Variants in TRAPPC10 observed in about 807,000 individuals in gnomAD.
The protein encoded by TRAPPC10 is TRAPP 130 kDa subunit.
TRAPPC10 carries 23 observed loss-of-function variants against 125.5 expected under a neutral mutation model. The ratio of observed to expected loss-of-function variants is 0.18; its 90% confidence interval spans 0.13 to 0.26. TRAPPC10 has a LOEUF of 0.26. Among genes scored for constraint, TRAPPC10 ranks in the 10% least tolerant of loss-of-function variants. The pLI, the probability that TRAPPC10 is intolerant of heterozygous loss-of-function variation, is 1.00. For missense variants in TRAPPC10, 1,123 were observed against 1,308.4 expected (o/e 0.86, Z 2.19); for synonymous variants, 509 against 518.0 (o/e 0.98, Z 0.24).
intron 3 of TRAPPC10, among the ~76,000 whole-genome samples, chr21:44,043,968 C>T (rs979987274): frequency 2.6e-5 from 4 of 152,186 alleles, no homozygotes; most frequent in Non-Finnish European, 4.4e-5. Flanking sequence ...GACCTTGGTT[C>T]CCACCAAATC....
At chr21:44,027,946 A>G (rs2147229166) in intron 1 of TRAPPC10, among the ~76,000 whole-genome samples, 1 of 152,340 alleles carries the variant, frequency 6.6e-6, no homozygotes, top group East Asian at 1.9e-4. Flanking sequence ...TACACCCTCC[A>G]GAAATGATAA....
At position 44,093,164 on chromosome 21, in the gene TRAPPC10, A is replaced by G. The variant is rs142791499; in HGVS notation, c.2998-899A>G. Among the ~76,000 whole-genome samples the G allele has an allele frequency of 2.0e-5, 3 of 152,318 alleles. No individual in the cohort carries two copies. The East Asian group carries it at 5.8e-4, about 29-fold the overall frequency. On this transcript the variant is annotated intron_variant, in intron 19 of 22. Coordinates refer to ENST00000291574, the MANE Select transcript of TRAPPC10 (RefSeq NM_003274.5). ...TGGAGCTGCATGGGATATGCTATAT[A>G]TTAATTAATATCCTTTGGGCATGGT...
intron 1 of TRAPPC10, among the ~76,000 whole-genome samples, chr21:44,026,227 C>A (rs538108937): frequency 6.6e-6 from 1 of 152,000 alleles, no homozygotes; most frequent in South Asian, 2.1e-4. Context: ...CCCCCGACTG[C>A]GAAGGCTTTT....
chr21:44,049,876 TTC>T (rs1555937474), intron 3 of TRAPPC10, among the ~76,000 whole-genome samples: 1 of 117,630 alleles, frequency 8.5e-6, no homozygotes, highest in African/African-American at 5.3e-5. Flanking sequence ...TTTTCTTTCT[TTC>T]TTTTTTTTTT....
chr21:44,084,854 C>T (rs1209121178), intron 15 of TRAPPC10, among the ~76,000 whole-genome samples: 2 of 152,190 alleles, frequency 1.3e-5, no homozygotes, highest in Non-Finnish European at 2.9e-5. Flanking sequence ...TCACAGAACT[C>T]AGGGAAACAG....
chr21:44,089,811 T>C (rs1315427353), intron 17 of TRAPPC10, 22 bp from the exon 18 acceptor site: 9 of 1,599,806 alleles, frequency 5.6e-6, no homozygotes, highest in Non-Finnish European at 7.7e-6. Flanking sequence ...GGTCTGAGAG[T>C]GTCTTTGTGC....
At chr21:44,070,903 C>G (rs1188265959) in intron 7 of TRAPPC10, among the ~76,000 whole-genome samples, 6 of 152,184 alleles carry the variant, frequency 3.9e-5, no homozygotes, top group Admixed American at 6.5e-5. Flanking sequence ...TCTTCGGACC[C>G]TGAGAAGTCA....
intron 18 of TRAPPC10, chr21:44,091,701 G>T (rs2038591231): frequency 2.5e-6 from 1 of 394,560 alleles, no homozygotes; most frequent in Non-Finnish European, 4.7e-6. Flanking sequence ...GCCTCCCAAA[G>T]TGCTGGGATT....
At chr21:44,044,939 T>TA (rs2034676424) in intron 3 of TRAPPC10, among the ~76,000 whole-genome samples, 1 of 152,120 alleles carries the variant, frequency 6.6e-6, no homozygotes, top group Non-Finnish European at 1.5e-5. Context: ...GTGCTGGGAT[T>TA]ACAGGTGTGA....
In TRAPPC10 at chr21:44,074,720, C is replaced by T. The variant is rs148845575; in HGVS notation, c.1185+250C>T. ...TGACTCTGTACCCTGAGTCGGGGGA[C>T]ACGAGGGTGGTGCTGAAATGTCAGC... is the stretch of plus-strand genomic sequence containing the variant. On this transcript the variant is annotated intron_variant, in intron 8 of 22. Transcript: ENST00000291574. Among the ~76,000 whole-genome samples the T allele has an allele frequency of 3.3e-3, 506 of 152,292 alleles. 2 individuals are homozygous for T. Among genetic ancestry groups the T allele is most frequent in the African/African-American group, 0.011 (472 of 41,552 alleles).
chr21:44,022,496 T>C (rs1235694361), intron 1 of TRAPPC10, among the ~76,000 whole-genome samples: 2 of 145,934 alleles, frequency 1.4e-5, no homozygotes, highest in Non-Finnish European at 3.0e-5. Context: ...GGTTTGTTAG[T>C]AGAGATGGGG....
Position 44,087,657 on chromosome 21 carries a change from C to T in TRAPPC10, c.2540-42C>T, listed in dbSNP as rs1341511088. 2.5e-6 allele frequency: 4 copies of T among 1,570,146 alleles called. No homozygotes were observed. The highest frequency in any genetic ancestry group is 3.5e-6 in the Non-Finnish European group (4 of 1,148,050). ...GCTGTAAGGAAAAGGACAAGTGAAA[C>T]CGAGGGAACAGCTTTGAAGTGACTT... is the stretch of plus-strand genomic sequence containing the variant. On this transcript the variant is annotated intron_variant, in intron 16 of 22. Transcript: ENST00000291574. This position sits in a 1 kb window ranked among gnomAD's most constrained non-coding sequence, Gnocchi z 4.6.
intron 1 of TRAPPC10, among the ~76,000 whole-genome samples, chr21:44,014,151 A>C (rs1237783097): frequency 6.6e-6 from 1 of 152,210 alleles, no homozygotes; most frequent in Non-Finnish European, 1.5e-5. Context: ...ATGTATTTAT[A>C]GGCATTATGT....
intron 6 of TRAPPC10, chr21:44,062,425 G>A: frequency 2.4e-6 from 1 of 418,294 alleles, no homozygotes; most frequent in Non-Finnish European, 3.2e-6. Flanking sequence ...TCAGGTGAGA[G>A]ATGGGGCAGT....
At chr21:44,089,246 T>C (rs1182268606) in intron 17 of TRAPPC10, 1 of 327,314 alleles carries the variant, frequency 3.1e-6, no homozygotes, top group Non-Finnish European at 6.1e-6. Flanking sequence ...ACGCACGCTG[T>C]GTGCTGGGGT....
chr21:44,071,676 A>G (rs2036878470), intron 7 of TRAPPC10, among the ~76,000 whole-genome samples: 1 of 152,200 alleles, frequency 6.6e-6, no homozygotes, highest in South Asian at 2.1e-4. Context: ...CCAAATTCAC[A>G]TGCATGTCTT....
rs929699332 is a variant in TRAPPC10 at position 44,086,829 on chromosome 21, G to T, written c.2408G>T (p.Arg803Ile). ...ADSLLAGIPQ[R>I]VKFTVTTGHY... ...AGCCTTCTGGCAGGCATTCCTCAGA[G>T]AGTCAAGTTCACTGTCACTACCGGC... The change falls in exon 16 of 23, where the codon AGA (arginine) becomes ATA (isoleucine). Residue 803 changes from arginine (R) to isoleucine (I), a missense_variant. Physicochemically the swap from Arg to Ile is moderately conservative, Grantham distance 97. Coordinates refer to ENST00000291574, the MANE Select transcript of TRAPPC10 (RefSeq NM_003274.5). 6.2e-7 allele frequency: 1 copy of T among 1,614,172 alleles called. No individual in the cohort carries two copies. Among genetic ancestry groups the T allele is most frequent in the Non-Finnish European group, 8.5e-7 (1 of 1,180,024 alleles).
At chr21:44,092,200 A>T in intron 19 of TRAPPC10, 151 bp downstream of exon 19, 2 of 978,160 alleles carry the variant, frequency 2.0e-6, no homozygotes, top group Non-Finnish European at 2.9e-6. Context: ...GGCTGCCCTG[A>T]GGCTGGATCG....
At chr21:44,035,431 G>A (rs1381102976) in intron 2 of TRAPPC10, among the ~76,000 whole-genome samples, 1 of 152,210 alleles carries the variant, frequency 6.6e-6, no homozygotes, top group African/African-American at 2.4e-5. Context: ...GTGTGTGTGT[G>A]TTGGTGGGCG....
Sources: allele counts gnomAD v4.1 joint callset (sites outside exome capture counted in the v4.1 genomes callset), GRCh38; gene constraint gnomAD v4.1.1; non-coding constraint Gnocchi (gnomAD v3.1); transcripts MANE v1.5; gene names NCBI Gene and HGNC (gene_info 2026-07-23, HGNC 2026-07-21).